Variants in ANKS1B observed in about 807,000 individuals in gnomAD.
ANKS1B encodes the protein ankyrin repeat and sterile alpha motif domain containing 1B, also known as ankyrin repeat and sterile alpha motif domain-containing protein 1B.
A neutral mutation model predicts 148.3 loss-of-function variants in ANKS1B; 36 were observed. The ratio of observed to expected loss-of-function variants is 0.24; its 90% CI spans 0.19 to 0.32. The LOEUF (loss-of-function observed/expected upper bound fraction) is 0.32. ANKS1B is among the 10% of genes least tolerant of loss of function. ANKS1B has a pLI of 1.00. For missense variants in ANKS1B, 1,157 were observed against 1,542.6 expected (o/e 0.75, Z 4.19); for synonymous variants, 542 against 560.8 (o/e 0.97, Z 0.47).
chr12:99,134,649 A>T (rs973677923), intron 15 of ANKS1B, among the ~76,000 whole-genome samples: 4,442 of 25,344 alleles, frequency 0.18, 77 homozygotes, highest in African/African-American at 0.32. Context: ...TCTCTCTCAC[A>T]CACACACACA....
chr12:99,497,223 CATAA>C (rs1469840160), intron 10 of ANKS1B, among the ~76,000 whole-genome samples: 1 of 152,202 alleles, frequency 6.6e-6, no homozygotes, highest in Admixed American at 6.5e-5. Context: ...CCTACTGCTA[CATAA>C]ATAGTTGTTA....
At chr12:99,316,886 G>A (rs1406539438) in intron 12 of ANKS1B, among the ~76,000 whole-genome samples, 2 of 152,018 alleles carry the variant, frequency 1.3e-5, no homozygotes, top group Admixed American at 6.6e-5. Flanking sequence ...CTTTCTACAT[G>A]TGGCTAGCCA....
intron 11 of ANKS1B, among the ~76,000 whole-genome samples, chr12:99,420,608 A>G (rs1348359682): frequency 6.6e-6 from 1 of 152,234 alleles, no homozygotes. Flanking sequence ...AAAAATGCCC[A>G]TTAATAAAAG....
At chr12:99,540,011 G>A (rs79741878) in intron 9 of ANKS1B, among the ~76,000 whole-genome samples, 241 of 152,100 alleles carry the variant, frequency 1.6e-3, no homozygotes, top group African/African-American at 5.3e-3. Context: ...TAACTTCAGT[G>A]ACTATACTAA....
chr12:99,931,964 T>G (rs910949152), intron 1 of ANKS1B, among the ~76,000 whole-genome samples: 1 of 152,158 alleles, frequency 6.6e-6, no homozygotes, highest in African/African-American at 2.4e-5. Flanking sequence ...TACTCTCTTA[T>G]ATTCATGAGT....
chr12:99,234,152 T>C (rs1468941167), intron 14 of ANKS1B, among the ~76,000 whole-genome samples: 3 of 152,142 alleles, frequency 2.0e-5, no homozygotes, highest in African/African-American at 7.2e-5. Flanking sequence ...AAGCAAAATT[T>C]TGCAGATAGA....
intron 17 of ANKS1B, among the ~76,000 whole-genome samples, chr12:99,052,749 A>AAAAAAAAAAG (rs2099967050): frequency 6.8e-6 from 1 of 148,080 alleles, no homozygotes; most frequent in African/African-American, 2.5e-5. Flanking sequence ...AAAAAAAAAA[A>AAAAAAAAAAG]AAAAAAAAAG....
intron 17 of ANKS1B, among the ~76,000 whole-genome samples, chr12:99,005,082 CT>C (rs2099935342): frequency 6.6e-6 from 1 of 152,162 alleles, no homozygotes; most frequent in Non-Finnish European, 1.5e-5. Flanking sequence ...TAAAAAGTCC[CT>C]TGCTGTAACA....
At chr12:99,721,427 C>T (rs1170640498) in intron 8 of ANKS1B, among the ~76,000 whole-genome samples, 3 of 152,134 alleles carry the variant, frequency 2.0e-5, no homozygotes, top group Non-Finnish European at 4.4e-5. Context: ...CATTCTACCA[C>T]AAAAGAAGTG....
chr12:99,333,860 T>TTTTTTTTTTTTTTTG (rs2088139621), intron 12 of ANKS1B, among the ~76,000 whole-genome samples: 1 of 149,134 alleles, frequency 6.7e-6, no homozygotes, highest in Non-Finnish European at 1.5e-5. Flanking sequence ...CTCAGTTTTT[T>TTTTTTTTTTTTTTTG]TTTTTTTTTT....
chr12:99,200,366 C>T (rs181134150), intron 14 of ANKS1B, among the ~76,000 whole-genome samples: 8 of 152,174 alleles, frequency 5.3e-5, no homozygotes, highest in Non-Finnish European at 8.8e-5. Context: ...CATTTTGCAG[C>T]CTTGCCATAA....
intron 1 of ANKS1B, among the ~76,000 whole-genome samples, chr12:99,964,134 C>G (rs2095454878): frequency 6.6e-6 from 1 of 152,092 alleles, no homozygotes; most frequent in Non-Finnish European, 1.5e-5. Context: ...TGAAAAAAAG[C>G]CCATTAAAGA....
rs184069309 is a variant in ANKS1B, at chr12:99,837,328, G to C, written c.135-11939C>G. Among the ~76,000 whole-genome samples, 8 of 152,290 alleles carry C rather than the reference G, an allele frequency of 5.3e-5. No individual in the cohort carries two copies. In the East Asian group the frequency reaches 1.5e-3, roughly 29 times the overall value. The stretch of plus-strand genomic sequence containing the variant: ...TCCAGGACTATAGGATAACAGATTT[G>C]TGTTATTCTAAGCCACTACATTTGT... On this transcript the variant is annotated intron_variant, in intron 1 of 26. Coordinates refer to ENST00000683438, the MANE Select transcript of ANKS1B (RefSeq NM_001352186.2).
chr12:99,156,238 T>C (rs1487249964), intron 14 of ANKS1B, among the ~76,000 whole-genome samples: 1 of 152,156 alleles, frequency 6.6e-6, no homozygotes, highest in Non-Finnish European at 1.5e-5. Flanking sequence ...ATCCATTCCC[T>C]TGATTCTATT....
intron 2 of ANKS1B, among the ~76,000 whole-genome samples, chr12:99,822,534 C>G (rs915867907): frequency 1.3e-5 from 2 of 152,174 alleles, no homozygotes; most frequent in South Asian, 4.1e-4. Context: ...TAAGTGAGAA[C>G]ATGCAGTATT....
chr12:99,422,245 A>G (rs1175525706), intron 11 of ANKS1B, among the ~76,000 whole-genome samples: 7 of 152,206 alleles, frequency 4.6e-5, no homozygotes, highest in Non-Finnish European at 1.0e-4. Flanking sequence ...TCTTGATGGG[A>G]CTGCTCATTC....
intron 12 of ANKS1B, among the ~76,000 whole-genome samples, chr12:99,369,791 T>TAGATAGATGGAC (rs879173702): frequency 0.012 from 1,848 of 148,766 alleles, 27 homozygotes; most frequent in African/African-American, 0.031. Flanking sequence ...GATAGATAGA[T>TAGATAGATGGAC]GGACGGACGG....
intron 15 of ANKS1B, among the ~76,000 whole-genome samples, chr12:99,121,157 G>A (rs953102872): frequency 2.6e-5 from 4 of 151,706 alleles, no homozygotes; most frequent in African/African-American, 9.7e-5. Flanking sequence ...GGGACTAGTA[G>A]GATTATAGCT....
intron 1 of ANKS1B, among the ~76,000 whole-genome samples, chr12:99,865,544 T>C (rs1415468050): frequency 1.3e-5 from 2 of 152,174 alleles, no homozygotes; most frequent in African/African-American, 4.8e-5. Flanking sequence ...CAGTTATCAA[T>C]GACTAGAAGC....
Sources: gnomAD v4.1 joint callset for allele counts (sites outside exome capture counted in the v4.1 genomes callset) on GRCh38, gnomAD v4.1.1 for gene constraint, MANE v1.5 for transcripts, NCBI Gene and HGNC (gene_info 2026-07-23, HGNC 2026-07-21) for gene names.